The following FGF14 variants were observed in gnomAD, a reference collection of about 807,000 sequenced individuals.
The protein encoded by FGF14 is fibroblast growth factor 14, also known as fibroblast growth factor homologous factor 4.
In FGF14, 5 loss-of-function variants were observed where a neutral mutation model predicts 25.5. The ratio of observed to expected loss-of-function variants is 0.20; its 90% CI spans 0.10 to 0.41. The LOEUF (loss-of-function observed/expected upper bound fraction) is 0.41. Ranked by LOEUF, FGF14 falls within the 10% of genes least tolerant of loss-of-function variation. The pLI is 1.00. For synonymous variants in FGF14, 138 were observed against 118.3 expected (o/e 1.17, Z -1.08); for missense variants, 222 against 320.1 (o/e 0.69, Z 2.34).
chr13:102,069,233 A>G (rs1234482826), intron 1 of FGF14, among the ~76,000 whole-genome samples: 1 of 152,132 alleles, frequency 6.6e-6, no homozygotes, highest in Non-Finnish European at 1.5e-5. Context: ...GGGGCCTTGG[A>G]GAACCTGTGT....
At chr13:101,795,455 G>A (rs1188719749) in intron 3 of FGF14, among the ~76,000 whole-genome samples, 1 of 152,064 alleles carries the variant, frequency 6.6e-6, no homozygotes, top group African/African-American at 2.4e-5. Context: ...TGGGATATGA[G>A]GAGGGGAAAT....
chr13:101,868,616 G>A, intron 3 of FGF14, 109 bp downstream of exon 3: 1 of 795,486 alleles, frequency 1.3e-6, no homozygotes, highest in Non-Finnish European at 2.3e-6. Context: ...CAAATACTAA[G>A]GCAAAAACTG....
At chr13:102,202,071 G>C (rs1415210678) in intron 1 of FGF14, among the ~76,000 whole-genome samples, 1 of 152,114 alleles carries the variant, frequency 6.6e-6, no homozygotes, top group Non-Finnish European at 1.5e-5. Context: ...TCCTGCTCCT[G>C]CCATGTGAAG....
chr13:101,744,496 C>T (rs1365480710), intron 3 of FGF14, among the ~76,000 whole-genome samples: 1 of 152,040 alleles, frequency 6.6e-6, no homozygotes, highest in African/African-American at 2.4e-5. Flanking sequence ...GGGACTTTGT[C>T]AGTCACCTTT....
chr13:102,097,434 A>T (rs997755893), intron 1 of FGF14, among the ~76,000 whole-genome samples: 26 of 152,192 alleles, frequency 1.7e-4, no homozygotes, highest in African/African-American at 5.5e-4. Flanking sequence ...TGGTTTAATG[A>T]AGTATTTTGC....
At chr13:101,768,198 AG>A (rs1814025771) in intron 3 of FGF14, among the ~76,000 whole-genome samples, 2 of 152,168 alleles carry the variant, frequency 1.3e-5, no homozygotes, top group South Asian at 4.1e-4. Context: ...GCAAAAAAAA[AG>A]CTTGATGAAT....
At chr13:102,099,795 T>TATTA (rs1184477656) in intron 1 of FGF14, among the ~76,000 whole-genome samples, 1 of 150,310 alleles carries the variant, frequency 6.7e-6, no homozygotes, top group African/African-American at 2.5e-5. Flanking sequence ...TAATAATTAT[T>TATTA]TGTCAGTAAT....
intron 1 of FGF14, among the ~76,000 whole-genome samples, chr13:101,948,728 A>G (rs987893797): frequency 5.9e-5 from 9 of 152,128 alleles, no homozygotes; most frequent in African/African-American, 1.9e-4. Context: ...AATTATGAAA[A>G]AAGAACAAAT....
rs2057154169 is a variant in FGF14 at position 102,347,748 on chromosome 13, C to T, written c.208+53723G>A. Among the ~76,000 whole-genome samples, 8 of 152,036 alleles carry T rather than the reference C, an allele frequency of 5.3e-5. No individual in the cohort carries two copies. In the South Asian group the frequency reaches 1.2e-3, roughly 24 times the overall value. ...CAGCCACTGAAGCGGAATCAGGCCT[C>T]GGAACACTAGGTGATGCTAGAGAGG... On this transcript the variant is annotated intron_variant, in intron 1 of 4. Coordinates refer to the FGF14 transcript ENST00000376131.
chr13:102,310,615 TA>T (rs2055679826), intron 1 of FGF14, among the ~76,000 whole-genome samples: 1 of 146,152 alleles, frequency 6.8e-6, no homozygotes, highest in Admixed American at 7.1e-5. Flanking sequence ...AGGCAAGGAA[TA>T]AAACCTTCTT....
chr13:102,174,748 A>C (rs1437884035), intron 1 of FGF14, among the ~76,000 whole-genome samples: 4 of 152,030 alleles, frequency 2.6e-5, no homozygotes, highest in Non-Finnish European at 5.9e-5. Context: ...TAAATAGGGG[A>C]ACAAAACACA....
chr13:101,741,552 T>C (rs1402191736), intron 3 of FGF14, among the ~76,000 whole-genome samples: 1 of 152,094 alleles, frequency 6.6e-6, no homozygotes, highest in Non-Finnish European at 1.5e-5. Flanking sequence ...ATATGGTTCT[T>C]ACTGATGTCA....
chr13:101,967,549 T>C (rs952911498), intron 1 of FGF14: 7 of 152,276 alleles, frequency 4.6e-5, no homozygotes, highest in African/African-American at 1.7e-4. Flanking sequence ...AGAAAAACAA[T>C]GCAAACACTG....
chr13:101,904,456 G>C (rs1232058160), intron 1 of FGF14, among the ~76,000 whole-genome samples: 2 of 152,116 alleles, frequency 1.3e-5, no homozygotes, highest in African/African-American at 4.8e-5. Flanking sequence ...GCAGTGTGAG[G>C]CTAGTCAATT....
chr13:102,021,770 C>T (rs2033347638), intron 1 of FGF14, among the ~76,000 whole-genome samples: 1 of 152,034 alleles, frequency 6.6e-6, no homozygotes, highest in South Asian at 2.1e-4. Context: ...AGCCCATCAT[C>T]CTTGGGACCT....
chr13:102,267,676 C>A (rs2053056063), intron 1 of FGF14, among the ~76,000 whole-genome samples: 1 of 151,778 alleles, frequency 6.6e-6, no homozygotes, highest in South Asian at 2.1e-4. Flanking sequence ...AGTGCTAGAT[C>A]AATATAAATG....
At chr13:102,259,608 C>G (rs368174252) in intron 1 of FGF14, among the ~76,000 whole-genome samples, 2 of 152,156 alleles carry the variant, frequency 1.3e-5, no homozygotes, top group South Asian at 4.1e-4. Flanking sequence ...GAGCCCTCCC[C>G]CCCATCCACT....
At chr13:102,265,055 T>C (rs542663982) in intron 1 of FGF14, among the ~76,000 whole-genome samples, 136 of 152,308 alleles carry the variant, frequency 8.9e-4, no homozygotes, top group African/African-American at 3.3e-3. Context: ...TACTTGTATC[T>C]TTTGAAAACA....
chr13:102,021,496 G>T (rs184768429), intron 1 of FGF14, among the ~76,000 whole-genome samples: 142 of 152,002 alleles, frequency 9.3e-4, no homozygotes, highest in Non-Finnish European at 1.2e-3. Flanking sequence ...CTTTCTTGGT[G>T]GTGCCCTTTA....
Sources: allele counts gnomAD v4.1 joint callset (sites outside exome capture counted in the v4.1 genomes callset), GRCh38; gene constraint gnomAD v4.1.1; transcripts MANE v1.5; gene names NCBI Gene and HGNC (gene_info 2026-07-23, HGNC 2026-07-21).